OR1J2: variants seen among roughly 807,000 people sequenced by gnomAD.
The protein encoded by OR1J2 is olfactory receptor family 1 subfamily J member 2.
For missense variants in OR1J2, 304 were observed against 246.1 expected, an observed-to-expected ratio of 1.24 and a Z score of -1.57; for synonymous variants, 142 against 99.7, an observed-to-expected ratio of 1.42 and a Z score of -2.52.
chr9:122,580,398 T>C, the OR1J2 span, among the ~76,000 whole-genome samples: 1 of 152,176 alleles, frequency 6.6e-6, no homozygotes, highest in Admixed American at 6.5e-5. Context: ...GTGCCAATGA[T>C]CATTTACAAA....
chr9:122,449,312 T>C, the OR1J2 span, among the ~76,000 whole-genome samples: 13 of 152,160 alleles, frequency 8.5e-5, no homozygotes, highest in Non-Finnish European at 1.5e-5. Flanking sequence ...GATCTGGGGC[T>C]TGTTTGGCTT....
At chr9:122,519,823 C>T in the OR1J2 span, 8 of 1,614,134 alleles carry the variant, frequency 5.0e-6, no homozygotes, top group Admixed American at 1.0e-4. Flanking sequence ...ATCCTCAAGG[C>T]TCCATCTACT....
At chr9:122,568,656 AT>A in the OR1J2 span, 2 of 529,290 alleles carry the variant, frequency 3.8e-6, no homozygotes, top group Non-Finnish European at 6.6e-6. Context: ...CCCTTCCCAA[AT>A]CTATGGGCTC....
chr9:122,561,146 G>T, the OR1J2 span, among the ~76,000 whole-genome samples: 1 of 152,158 alleles, frequency 6.6e-6, no homozygotes, highest in African/African-American at 2.4e-5. Flanking sequence ...TATGCTTCAT[G>T]AAGTTCTTGT....
At chr9:122,567,424 T>C in the OR1J2 span, 1 of 676,244 alleles carries the variant, frequency 1.5e-6, no homozygotes, top group East Asian at 2.6e-5. Flanking sequence ...GTGCCCACAA[T>C]AGCCTTGTCT....
At chr9:122,553,128 G>C in the OR1J2 span, 1 of 1,437,422 alleles carries the variant, frequency 7.0e-7, no homozygotes, top group Non-Finnish European at 9.5e-7. Flanking sequence ...TGGCCACACA[G>C]ATGCATATCT....
the OR1J2 span, among the ~76,000 whole-genome samples, chr9:122,472,493 A>G: frequency 3.9e-5 from 6 of 152,220 alleles, no homozygotes; most frequent in African/African-American, 7.2e-5. Flanking sequence ...AGCCCTGCCT[A>G]TAGTGCTTCA....
At chr9:122,461,987 G>C in the OR1J2 span, among the ~76,000 whole-genome samples, 1 of 152,092 alleles carries the variant, frequency 6.6e-6, no homozygotes, top group East Asian at 1.9e-4. Context: ...TTTCTGTCTT[G>C]ATGACCTGTC....
chr9:122,575,874 G>T, the OR1J2 span, among the ~76,000 whole-genome samples: 1 of 152,186 alleles, frequency 6.6e-6, no homozygotes, highest in African/African-American at 2.4e-5. Flanking sequence ...TGTATCCTTT[G>T]ACCTACATCT....
chr9:122,511,833 C>T (rs1828644616), downstream of OR1J2: 1 of 706,014 alleles, frequency 1.4e-6, no homozygotes, highest in African/African-American at 1.8e-5. Flanking sequence ...CATGTTATGT[C>T]CTGAAGCCCT....
At chr9:122,532,286 T>A in the OR1J2 span, among the ~76,000 whole-genome samples, 1 of 152,020 alleles carries the variant, frequency 6.6e-6, no homozygotes, top group East Asian at 1.9e-4. Context: ...ATTTCCACGA[T>A]GGAAAGGAAA....
chr9:122,553,847 T>C, the OR1J2 span: 1 of 1,614,014 alleles, frequency 6.2e-7, no homozygotes, highest in South Asian at 1.1e-5. Flanking sequence ...TCCTCACTGT[T>C]CCCCTCCTGC....
chr9:122,525,384 G>A, the OR1J2 span, among the ~76,000 whole-genome samples: 4 of 152,276 alleles, frequency 2.6e-5, no homozygotes, highest in South Asian at 8.3e-4. Flanking sequence ...ACTTAAATGA[G>A]GAAGGAGTTT....
chr9:122,476,808 T>A, the OR1J2 span: 1 of 565,246 alleles, frequency 1.8e-6, no homozygotes. Flanking sequence ...TGGGTTCAAG[T>A]GATTCTTCTG....
the OR1J2 span, among the ~76,000 whole-genome samples, chr9:122,482,333 C>T: frequency 2.6e-5 from 4 of 152,120 alleles, no homozygotes; most frequent in Non-Finnish European, 5.9e-5. Flanking sequence ...GACCTCACCC[C>T]AAATAGAATG....
chr9:122,544,063 G>A, the OR1J2 span, among the ~76,000 whole-genome samples: 3 of 152,052 alleles, frequency 2.0e-5, no homozygotes, highest in East Asian at 5.8e-4. Flanking sequence ...ATTTGTGTAA[G>A]ATTAAATGGA....
At chr9:122,479,853 T>C in the OR1J2 span, among the ~76,000 whole-genome samples, 2 of 152,224 alleles carry the variant, frequency 1.3e-5, no homozygotes, top group Non-Finnish European at 2.9e-5. Context: ...AATAAAATGT[T>C]AGAGCTATTT....
At chr9:122,556,930 C>CAG in the OR1J2 span, among the ~76,000 whole-genome samples, 131,132 of 151,904 alleles carry the variant, frequency 0.86, 56,857 homozygotes, top group East Asian at 0.98. Context: ...TTTCTCCTAT[C>CAG]AGTTCTGCAG....
At chr9:122,498,931 T>C in the OR1J2 span, among the ~76,000 whole-genome samples, 2 of 152,218 alleles carry the variant, frequency 1.3e-5, no homozygotes, top group Non-Finnish European at 2.9e-5. Context: ...TGTGCTTCTT[T>C]TGGCAGATTT....
Sources: gnomAD v4.1 joint callset for allele counts (sites outside exome capture counted in the v4.1 genomes callset) on GRCh38, gnomAD v4.1.1 for gene constraint, MANE v1.5 for transcripts, NCBI Gene and HGNC (gene_info 2026-07-23, HGNC 2026-07-21) for gene names.